The following SGCD variants were observed in gnomAD, a reference collection of about 807,000 sequenced individuals.
SGCD encodes the protein delta-sarcoglycan.
Under a neutral mutation model 36.6 loss-of-function variants are expected in SGCD, and 18 were observed. That is an observed-to-expected ratio of 0.49 (90% confidence interval 0.34 to 0.73). The LOEUF (loss-of-function observed/expected upper bound fraction) is 0.73, where lower values mean the gene tolerates loss of function less well. SGCD is among the 30% of genes least tolerant of loss of function. SGCD has a pLI of 0.01. For synonymous variants in SGCD, 133 were observed against 130.6 expected, an observed-to-expected ratio of 1.02 and a Z score of -0.12; for missense variants, 387 against 346.7, an observed-to-expected ratio of 1.12 and a Z score of -0.92.
intron 7 of SGCD, among the ~76,000 whole-genome samples, chr5:156,683,085 G>A (rs963291343): frequency 6.6e-6 from 1 of 152,186 alleles, no homozygotes; most frequent in African/African-American, 2.4e-5. Flanking sequence ...ATGGAGTGGG[G>A]TGATCTGAGT....
chr5:155,858,191 G>A, the SGCD span, among the ~76,000 whole-genome samples: 1 of 152,080 alleles, frequency 6.6e-6, no homozygotes, highest in African/African-American at 2.4e-5. Context: ...ACCTTTTCAA[G>A]TTCATTAATA....
chr5:156,214,840 A>T, intron 3 of SGCD, among the ~76,000 whole-genome samples: 1 of 152,100 alleles, frequency 6.6e-6, no homozygotes, highest in Middle Eastern at 3.2e-3. Flanking sequence ...AGAACACACA[A>T]TGGGGAAAAG....
the SGCD span, among the ~76,000 whole-genome samples, chr5:155,822,919 C>T: frequency 1.3e-5 from 2 of 152,146 alleles, no homozygotes; most frequent in Admixed American, 1.3e-4. Context: ...GCAGTTGTCA[C>T]TCCCAAACCC....
the SGCD span, among the ~76,000 whole-genome samples, chr5:155,838,476 C>G: frequency 6.6e-6 from 1 of 151,962 alleles, no homozygotes; most frequent in Non-Finnish European, 1.5e-5. Flanking sequence ...ATTTTGCCCC[C>G]GTGTCATTTA....
chr5:156,489,469 G>T (rs1755844940), intron 3 of SGCD, among the ~76,000 whole-genome samples: 1 of 151,948 alleles, frequency 6.6e-6, no homozygotes, highest in Non-Finnish European at 1.5e-5. Context: ...TAGACCATTT[G>T]TTAGGTCACA....
intron 6 of SGCD, among the ~76,000 whole-genome samples, chr5:156,609,589 C>T (rs1761674488): frequency 1.3e-5 from 2 of 152,180 alleles, no homozygotes; most frequent in Admixed American, 1.3e-4. Flanking sequence ...TGAATGTTGG[C>T]CTGCCTTGCT....
chr5:156,608,916 T>C (rs1267507846), intron 6 of SGCD, among the ~76,000 whole-genome samples: 2 of 152,100 alleles, frequency 1.3e-5, no homozygotes, highest in Admixed American at 6.6e-5. Context: ...CCTCCATCCC[T>C]TTATTTTGAG....
chr5:155,895,494 G>A (rs1756230209), intron 1 of SGCD, among the ~76,000 whole-genome samples: 1 of 152,148 alleles, frequency 6.6e-6, no homozygotes, highest in African/African-American at 2.4e-5. Context: ...GCGATCCACA[G>A]CCAGGGGTTC....
chr5:156,399,363 T>C (rs1772025292), intron 3 of SGCD, among the ~76,000 whole-genome samples: 1 of 152,214 alleles, frequency 6.6e-6, no homozygotes, highest in African/African-American at 2.4e-5. Flanking sequence ...CTCTATAACC[T>C]GTTTTTCAAA....
At chr5:156,593,902 T>C (rs1047193633) in intron 5 of SGCD, among the ~76,000 whole-genome samples, 2 of 152,166 alleles carry the variant, frequency 1.3e-5, no homozygotes, top group Non-Finnish European at 2.9e-5. Context: ...TTGGAAAAAG[T>C]ATAAGATTTC....
intron 1 of SGCD, among the ~76,000 whole-genome samples, chr5:155,992,300 A>C (rs1290033210): frequency 6.6e-6 from 1 of 152,098 alleles, no homozygotes; most frequent in Non-Finnish European, 1.5e-5. Context: ...AAATGACTGC[A>C]ACTCTATTTT....
At chr5:156,305,354 G>A (rs1239623425) in intron 3 of SGCD, among the ~76,000 whole-genome samples, 1 of 152,184 alleles carries the variant, frequency 6.6e-6, no homozygotes, top group Non-Finnish European at 1.5e-5. Flanking sequence ...GGCCAACATA[G>A]AGCTTGGGCC....
chr5:155,940,734 A>G (rs1222021286), intron 1 of SGCD, among the ~76,000 whole-genome samples: 1 of 152,048 alleles, frequency 6.6e-6, no homozygotes, highest in Non-Finnish European at 1.5e-5. Flanking sequence ...AATCCTAACT[A>G]TTCGGGAGGC....
intron 1 of SGCD, among the ~76,000 whole-genome samples, chr5:156,109,571 T>C (rs931119272): frequency 6.6e-6 from 1 of 152,162 alleles, no homozygotes; most frequent in Non-Finnish European, 1.5e-5. Context: ...AACTCATCCA[T>C]CCATATAGGA....
At chr5:156,012,600 T>C (rs1758882436) in intron 1 of SGCD, among the ~76,000 whole-genome samples, 2 of 147,024 alleles carry the variant, frequency 1.4e-5, no homozygotes, top group South Asian at 4.3e-4. Flanking sequence ...TTGTTTAATA[T>C]ATGCACAGAG....
chr5:156,490,626 G>T (rs1268652827), intron 3 of SGCD, among the ~76,000 whole-genome samples: 1 of 151,984 alleles, frequency 6.6e-6, no homozygotes, highest in Non-Finnish European at 1.5e-5. Context: ...CTCAAGAAAT[G>T]CAGGAAAAGT....
chr5:156,574,773 C>T (rs1482300620), intron 4 of SGCD, among the ~76,000 whole-genome samples: 1 of 152,104 alleles, frequency 6.6e-6, no homozygotes, highest in East Asian at 1.9e-4. Context: ...TTTTTCTCTC[C>T]GTGTTAGTAA....
intron 1 of SGCD, among the ~76,000 whole-genome samples, chr5:155,881,540 G>A (rs1384782203): frequency 6.6e-6 from 1 of 152,186 alleles, no homozygotes; most frequent in African/African-American, 2.4e-5. Flanking sequence ...AGAGGGCCTT[G>A]CCTTGATGTT....
At chr5:155,887,416 C>T (rs1756030442) in intron 1 of SGCD, among the ~76,000 whole-genome samples, 1 of 152,182 alleles carries the variant, frequency 6.6e-6, no homozygotes, top group Non-Finnish European at 1.5e-5. Context: ...CCACATTAAA[C>T]TCAAACTAAC....
Sources: gnomAD v4.1 joint callset for allele counts (sites outside exome capture counted in the v4.1 genomes callset) on GRCh38, gnomAD v4.1.1 for gene constraint, MANE v1.5 for transcripts, NCBI Gene and HGNC (gene_info 2026-07-23, HGNC 2026-07-21) for gene names.